WDR49: variants seen among roughly 807,000 people sequenced by gnomAD.
WDR49 encodes the protein WD repeat domain 49.
Under a neutral mutation model 119.5 loss-of-function variants are expected in WDR49, and 107 were observed. The ratio of observed to expected loss-of-function variants is 0.90; its 90% CI spans 0.77 to 1.05. The LOEUF (loss-of-function observed/expected upper bound fraction) is 1.05, where lower values mean the gene tolerates loss of function less well. Among genes scored for constraint, WDR49 ranks in the 50% least tolerant of loss-of-function variants. The probability of loss-of-function intolerance (pLI) is 0.00; values close to 1 mark genes in which losing one functional copy is unlikely to be tolerated. For missense variants in WDR49, 1,240 were observed against 1,220.5 expected (o/e 1.02, Z -0.24); for synonymous variants, 425 against 418.8 (o/e 1.01, Z -0.18).
At chr3:167,515,465 A>G (rs1752161113) in intron 16 of WDR49, among the ~76,000 whole-genome samples, 2 of 152,110 alleles carry the variant, frequency 1.3e-5, no homozygotes, top group African/African-American at 4.8e-5. Context: ...TCTGAATAAA[A>G]TATATATTGA....
At chr3:167,572,247 T>C (rs893921249) in intron 8 of WDR49, among the ~76,000 whole-genome samples, 1 of 152,240 alleles carries the variant, frequency 6.6e-6, no homozygotes, top group Admixed American at 6.5e-5. Context: ...AAATAAAGTA[T>C]ATGATTTCCT....
chr3:167,634,201 G>C (rs891290362), intron 2 of WDR49, among the ~76,000 whole-genome samples: 1 of 151,712 alleles, frequency 6.6e-6, no homozygotes, highest in Non-Finnish European at 1.5e-5. Flanking sequence ...GTCTTTTTGA[G>C]GTAATAATTA....
chr3:167,543,768 A>C (rs1293927186), intron 10 of WDR49, among the ~76,000 whole-genome samples: 2 of 152,054 alleles, frequency 1.3e-5, no homozygotes, highest in Non-Finnish European at 2.9e-5. Context: ...TCTATTCAAC[A>C]TAGTACTGGA....
At chr3:167,596,324 G>T (rs1251539952) in intron 7 of WDR49, among the ~76,000 whole-genome samples, 2,509 of 148,672 alleles carry the variant, frequency 0.017, 56 homozygotes, top group African/African-American at 0.055. Context: ...ATTCCTCAGG[G>T]ATCTAGAACT....
chr3:167,570,956 C>T (rs1159862609), intron 8 of WDR49, among the ~76,000 whole-genome samples: 3 of 147,748 alleles, frequency 2.0e-5, no homozygotes, highest in Admixed American at 6.9e-5. Context: ...ACCCAGGAGG[C>T]GGAGGTTGCG....
chr3:167,639,165 T>C (rs1458861177), intron 2 of WDR49, among the ~76,000 whole-genome samples: 1 of 151,776 alleles, frequency 6.6e-6, no homozygotes, highest in Non-Finnish European at 1.5e-5. Flanking sequence ...CTGAGCTTCA[T>C]TGATTTTCAT....
chr3:167,493,238 A>C (rs1336992793), intron 18 of WDR49, among the ~76,000 whole-genome samples: 2 of 152,152 alleles, frequency 1.3e-5, no homozygotes, highest in African/African-American at 2.4e-5. Context: ...AGACTCCTGC[A>C]ATGCAGGTAA....
intron 5 of WDR49, among the ~76,000 whole-genome samples, chr3:167,617,892 A>G (rs1028190593): frequency 6.6e-6 from 1 of 152,174 alleles, no homozygotes; most frequent in Non-Finnish European, 1.5e-5. Flanking sequence ...TTTCTCCTCT[A>G]ACCCATGCTG....
intron 8 of WDR49, among the ~76,000 whole-genome samples, chr3:167,563,794 G>C (rs1420488906): frequency 6.6e-6 from 1 of 152,148 alleles, no homozygotes; most frequent in Non-Finnish European, 1.5e-5. Flanking sequence ...AAATACACAA[G>C]AAGTTGTTGT....
At chr3:167,537,860 T>C (rs1711560391) in intron 10 of WDR49, among the ~76,000 whole-genome samples, 1 of 152,142 alleles carries the variant, frequency 6.6e-6, no homozygotes, top group Non-Finnish European at 1.5e-5. Flanking sequence ...TCTTTCACCA[T>C]CATTCTCTCT....
intron 6 of WDR49, among the ~76,000 whole-genome samples, 170 bp downstream of exon 6, chr3:167,604,131 T>C (rs1172904474): frequency 1.3e-5 from 2 of 152,162 alleles, no homozygotes; most frequent in Non-Finnish European, 2.9e-5. Flanking sequence ...TCATACACAC[T>C]GCACATCATA....
intron 6 of WDR49, 100 bp downstream of exon 6, chr3:167,604,201 T>C (rs562107523): frequency 1.5e-4 from 205 of 1,379,708 alleles, no homozygotes; most frequent in Admixed American, 4.1e-4. Context: ...ATGGTCTCTA[T>C]AGCAATACAG....
chr3:167,563,374 A>G lies in WDR49; in HGVS notation c.1510-3146T>C, dbSNP rs1033549029. Among the ~76,000 whole-genome samples the G allele has an allele frequency of 1.8e-4, 24 of 136,210 alleles. No homozygotes were observed. The East Asian group carries it at 2.8e-3, about 16-fold the overall frequency. The allele number at this position is 136,210 out of a possible 152,430, so 89.4% of individuals were successfully genotyped here. On this transcript the variant is annotated intron_variant, in intron 8 of 18. Transcript: ENST00000682715. The stretch of plus-strand genomic sequence containing the variant: ...GAATCAAAAAAAAAAAAAAAAAAAA[A>G]AAAGAAAGAAACCTGATTTTAGATG...
At chr3:167,511,250 T>G (rs1247486381) in intron 16 of WDR49, among the ~76,000 whole-genome samples, 1 of 152,220 alleles carries the variant, frequency 6.6e-6, no homozygotes, top group Non-Finnish European at 1.5e-5. Flanking sequence ...TTTTCTATAC[T>G]ATCTCATTAT....
intron 18 of WDR49, among the ~76,000 whole-genome samples, chr3:167,483,781 T>C (rs1015262808): frequency 3.9e-5 from 6 of 152,116 alleles, no homozygotes; most frequent in Admixed American, 3.9e-4. Flanking sequence ...GCTCTTCACC[T>C]AGAACACTCT....
chr3:167,540,763 C>G (rs1711766945), intron 10 of WDR49, among the ~76,000 whole-genome samples: 1 of 151,688 alleles, frequency 6.6e-6, no homozygotes. Context: ...CCAGGATATA[C>G]CAGAGAAAAC....
At chr3:167,491,196 C>T (rs1751119135) in intron 18 of WDR49, among the ~76,000 whole-genome samples, 1 of 152,104 alleles carries the variant, frequency 6.6e-6, no homozygotes, top group African/African-American at 2.4e-5. Context: ...TGAGACTCTG[C>T]TTTGCCCCAC....
chr3:167,549,142 A>G (rs1712390415), intron 10 of WDR49, among the ~76,000 whole-genome samples: 2 of 152,238 alleles, frequency 1.3e-5, no homozygotes, highest in East Asian at 1.9e-4. Context: ...GAATAGTGCC[A>G]CAATAAACAT....
intron 11 of WDR49, among the ~76,000 whole-genome samples, 156 bp from the exon 12 acceptor site, chr3:167,533,133 G>T (rs1415957869): frequency 2.6e-5 from 4 of 151,984 alleles, no homozygotes; most frequent in African/African-American, 9.7e-5. Context: ...AATAATAATT[G>T]GTATTTGTTT....
Sources: allele counts gnomAD v4.1 joint callset (sites outside exome capture counted in the v4.1 genomes callset), GRCh38; gene constraint gnomAD v4.1.1; transcripts MANE v1.5; gene names NCBI Gene and HGNC (gene_info 2026-07-23, HGNC 2026-07-21).